H2AC13: variants seen among roughly 807,000 people sequenced by gnomAD.
H2AC13 encodes the protein histone H2A type 1.
In H2AC13, 3 loss-of-function variants were observed where a neutral mutation model predicts 5.9. The observed-to-expected ratio is 0.50, with a 90% CI of 0.23 to 1.30. The LOEUF (loss-of-function observed/expected upper bound fraction) is 1.30. Ranked by LOEUF, H2AC13 falls within the 50% of genes most tolerant of loss-of-function variation. The probability of loss-of-function intolerance (pLI) is 0.18; values close to 1 mark genes in which losing one functional copy is unlikely to be tolerated. For missense variants in H2AC13, 123 were observed against 179.1 expected (o/e 0.69, Z 1.79); for synonymous variants, 96 against 82.4 (o/e 1.17, Z -0.90).
rs1320304097 is a variant in H2AC13, at chr6:27,808,272, G to A, written c.63G>A (p.Arg21=). The change falls in exon 1 of 1, where the codon CGG becomes CGA. Residue 21 remains arginine, a synonymous_variant. Transcript: ENST00000358739. ...CCAAGGCCAAGACCCGCTCTTCTCG[G>A]GCCGGGCTTCAGTTTCCCGTAGGCC... ...ARAKAKTRSS[R]AGLQFPVGRV... 6.4e-7 allele frequency: 1 copy of A among 1,564,282 alleles called. No individual in the cohort carries two copies. The highest frequency in any genetic ancestry group is 8.6e-7 in the Non-Finnish European group (1 of 1,159,006).
Position 27,808,580 on chromosome 6 carries a change from A to C in H2AC13, c.371A>C (p.His124Pro), listed in dbSNP as rs1453831944. Residue 124 changes from histidine (H) to proline (P), a missense_variant, in exon 1 of 1, where the codon CAC becomes CCC. Physicochemically the swap from His to Pro is moderately conservative, Grantham distance 77. Around this residue, in one of 3 missense-constraint regions of H2AC13, gnomAD observed 18 missense variants for 16.1 expected, o/e 1.12. Coordinates refer to ENST00000358739, the MANE Select transcript of H2AC13 (RefSeq NM_003509.3). Reference protein sequence around the residue: ...AVLLPKKTESHHKAKGK With the variant: ...AVLLPKKTESPHKAKGK Reference sequence around the variant, plus strand: ...CTACTGCCCAAGAAGACCGAGAGCCACCACAAGGCGAAGGGCAAGTAGAAG... The same window carrying C: ...CTACTGCCCAAGAAGACCGAGAGCCCCCACAAGGCGAAGGGCAAGTAGAAG... 1.2e-6 allele frequency: 2 copies of C among 1,613,840 alleles called. No individual in the cohort carries two copies. Among genetic ancestry groups the C allele is most frequent in the Non-Finnish European group, 1.7e-6 (2 of 1,179,806 alleles).
chr6:27,808,660 G>A lies in H2AC13; in HGVS notation c.*58G>A, dbSNP rs1581457079. 4.5e-6 allele frequency: 7 copies of A among 1,556,716 alleles called. No homozygotes were observed. Among genetic ancestry groups the A allele is most frequent in the Non-Finnish European group, 5.2e-6 (6 of 1,153,902 alleles). On this transcript the variant is annotated 3_prime_UTR_variant, in exon 1 of 1. Transcript: ENST00000358739. Reference sequence around the variant, plus strand: ...AAAGGAACCAAAGGCTCTTTTCAGAGCCACCTACAATTTTGTGGAAGAACT... The same window carrying A: ...AAAGGAACCAAAGGCTCTTTTCAGAACCACCTACAATTTTGTGGAAGAACT...
In H2AC13 at chr6:27,808,596, C is replaced by T. The variant is rs767900274; in HGVS notation, c.387C>T (p.Gly129=). ...KKTESHHKAK[G]K ...CCGAGAGCCACCACAAGGCGAAGGG[C>T]AAGTAGAAGCCTGGATTAGTTTGCA... Residue 129 remains glycine, a synonymous_variant, in exon 1 of 1, where the codon GGC becomes GGT. Transcript: ENST00000358739. 1.2e-6 allele frequency: 2 copies of T among 1,612,518 alleles called. No homozygotes were observed. The highest frequency in any genetic ancestry group is 1.7e-6 in the Non-Finnish European group (2 of 1,178,970).
Position 27,808,311 on chromosome 6 carries a change from G to C in H2AC13, c.102G>C (p.Leu34=). 6.4e-7 allele frequency: 1 copy of C among 1,568,002 alleles called. No individual in the cohort carries two copies. Among genetic ancestry groups the C allele is most frequent in the Non-Finnish European group, 8.6e-7 (1 of 1,156,580 alleles). ...TTCCCGTAGGCCGAGTGCATCGCCT[G>C]CTCCGCAAAGGCAACTATGCGGAGC... The part of the protein sequence containing the change: ...LQFPVGRVHR[L]LRKGNYAERV... The change falls in exon 1 of 1, where the codon CTG becomes CTC. Residue 34 remains leucine (L), a synonymous_variant. Transcript: ENST00000358739.
In H2AC13 at chr6:27,808,530, C is replaced by G; in HGVS notation, c.321C>G (p.Gly107=). 1 of 1,614,208 alleles carries G rather than the reference C, an allele frequency of 6.2e-7. No individual in the cohort carries two copies. The highest frequency in any genetic ancestry group is 8.5e-7 in the Non-Finnish European group (1 of 1,180,034). ...LLGKVTIAQG[G]VLPNIQAVLL... Reference sequence around the variant, plus strand: ...GCAAAGTCACCATCGCACAGGGTGGCGTCCTGCCCAACATCCAGGCCGTGC... The same window carrying G: ...GCAAAGTCACCATCGCACAGGGTGGGGTCCTGCCCAACATCCAGGCCGTGC... The change falls in exon 1 of 1, where the codon GGC becomes GGG. Residue 107 remains glycine (G), a synonymous_variant. Coordinates refer to ENST00000358739, the MANE Select transcript of H2AC13 (RefSeq NM_003509.3).
In H2AC13 at chr6:27,808,475, GCAACGATGAGGAGCTCAA is replaced by G. The variant is rs2113876798; in HGVS notation, c.270_287del (p.Asn90_Asn95del). The G allele has an allele frequency of 6.2e-7, 1 of 1,613,786 alleles. No homozygotes were observed. The highest frequency in any genetic ancestry group is 8.5e-7 in the Non-Finnish European group (1 of 1,179,838). The stretch of plus-strand genomic sequence containing the variant: ...CCGCGTCACCTCCAGCTGGCCATCC[GCAACGATGAGGAGCTCAA>G]CAAGCTTCTGGGCAAAGTCACCATC... On this transcript the variant is annotated inframe_deletion, in exon 1 of 1. Coordinates refer to ENST00000358739, the MANE Select transcript of H2AC13 (RefSeq NM_003509.3).
In H2AC13 at chr6:27,808,362, C is replaced by A. The variant is rs776814914; in HGVS notation, c.153C>A (p.Tyr51Ter). 4.4e-6 allele frequency: 7 copies of A among 1,600,376 alleles called. No homozygotes were observed. In the South Asian group the frequency reaches 7.8e-5, roughly 18 times the overall value. The stretch of plus-strand genomic sequence containing the variant: ...GGGTCGGTGCTGGAGCGCCGGTGTA[C>A]CTGGCGGCGGTGCTGGAGTACCTGA... ...AERVGAGAPVYLAAVLEYLTA... is the reference protein window; with the variant it reads ...AERVGAGAPV The change falls in exon 1 of 1, where the codon TAC becomes TAA. Residue 51 changes from tyrosine (Y) to a stop codon, truncating the protein, a stop_gained. Transcript: ENST00000358739. LOFTEE classifies it high-confidence loss of function.
rs1760497057 is a variant in H2AC13, at chr6:27,808,598, A to G, written c.389A>G (p.Lys130Arg). The part of the protein sequence containing the change: ...KTESHHKAKG[K>R] ...GAGAGCCACCACAAGGCGAAGGGCA[A>G]GTAGAAGCCTGGATTAGTTTGCAGC... The change falls in exon 1 of 1, where the codon AAG becomes AGG. Residue 130 changes from lysine (K) to arginine (R), a missense_variant. Transcript: ENST00000358739. 1.2e-6 allele frequency: 2 copies of G among 1,611,860 alleles called. No individual in the cohort carries two copies. Among genetic ancestry groups the G allele is most frequent in the Non-Finnish European group, 8.5e-7 (1 of 1,178,560 alleles).
Position 27,808,291 on chromosome 6 carries a change from G to T in H2AC13, c.82G>T (p.Val28Leu). The change falls in exon 1 of 1, where the codon GTA (valine) becomes TTA (leucine). Residue 28 changes from valine to leucine, a missense_variant. Coordinates refer to ENST00000358739, the MANE Select transcript of H2AC13 (RefSeq NM_003509.3). The part of the protein sequence containing the change: ...RSSRAGLQFP[V>L]GRVHRLLRKG... ...TTCTCGGGCCGGGCTTCAGTTTCCC[G>T]TAGGCCGAGTGCATCGCCTGCTCCG... The T allele has an allele frequency of 6.4e-7, 1 of 1,552,832 alleles. No homozygotes were observed. The highest frequency in any genetic ancestry group is 8.7e-7 in the Non-Finnish European group (1 of 1,152,390).
In H2AC13 at chr6:27,808,641, A is replaced by G; in HGVS notation, c.*39A>G. On this transcript the variant is annotated 3_prime_UTR_variant, in exon 1 of 1. Coordinates refer to ENST00000358739, the MANE Select transcript of H2AC13 (RefSeq NM_003509.3). ...TTTGCAGCAACTCAATCCCAAAGGA[A>G]CCAAAGGCTCTTTTCAGAGCCACCT... 1.3e-6 allele frequency: 2 copies of G among 1,580,648 alleles called. No homozygotes were observed. The highest frequency in any genetic ancestry group is 1.7e-6 in the Non-Finnish European group (2 of 1,164,002).
rs1760488572 is a variant in H2AC13 at position 27,808,354 on chromosome 6, C to T, written c.145C>T (p.Pro49Ser). 2 of 1,598,918 alleles carry T rather than the reference C, an allele frequency of 1.3e-6. No individual in the cohort carries two copies. The highest frequency in any genetic ancestry group is 2.2e-5 in the East Asian group (1 of 44,646). ...NYAERVGAGA[P>S]VYLAAVLEYL... ...TGCGGAGCGGGTCGGTGCTGGAGCG[C>T]CGGTGTACCTGGCGGCGGTGCTGGA... is the stretch of plus-strand genomic sequence containing the variant. Residue 49 changes from proline (P) to serine (S), a missense_variant, in exon 1 of 1, where the codon CCG (proline) becomes TCG (serine). Pro to Ser is a moderately conservative substitution (Grantham distance 74). Coordinates refer to ENST00000358739, the MANE Select transcript of H2AC13 (RefSeq NM_003509.3).
Position 27,808,447 on chromosome 6 carries a change from A to G in H2AC13, c.238A>G (p.Ile80Val). The change falls in exon 1 of 1, where the codon ATC (isoleucine) becomes GTC (valine). Residue 80 changes from isoleucine (I) to valine (V), a missense_variant. By Grantham distance (29) the Ile-to-Val change is conservative. Transcript: ENST00000358739. Reference protein sequence around the residue: ...AARDNKKTRIIPRHLQLAIRN... With the variant: ...AARDNKKTRIVPRHLQLAIRN... ...CCGCGACAACAAGAAGACTCGCATC[A>G]TCCCGCGTCACCTCCAGCTGGCCAT... 2 of 1,613,082 alleles carry G rather than the reference A, an allele frequency of 1.2e-6. No individual in the cohort carries two copies. The highest frequency in any genetic ancestry group is 8.5e-7 in the Non-Finnish European group (1 of 1,179,246).
In H2AC13 at chr6:27,808,275, C is replaced by G. The variant is rs1435673693; in HGVS notation, c.66C>G (p.Ala22=). 8.3e-6 allele frequency: 13 copies of G among 1,561,922 alleles called. No homozygotes were observed. Among genetic ancestry groups the G allele is most frequent in the African/African-American group, 1.4e-5 (1 of 73,206 alleles). Residue 22 remains alanine (A), a synonymous_variant, in exon 1 of 1, where the codon GCC becomes GCG. Transcript: ENST00000358739. ...RAKAKTRSSR[A]GLQFPVGRVH... Reference sequence around the variant, plus strand: ...AGGCCAAGACCCGCTCTTCTCGGGCCGGGCTTCAGTTTCCCGTAGGCCGAG... The same window carrying G: ...AGGCCAAGACCCGCTCTTCTCGGGCGGGGCTTCAGTTTCCCGTAGGCCGAG...
Position 27,808,616 on chromosome 6 carries a change from T to A in H2AC13, c.*14T>A, listed in dbSNP as rs151291136. On this transcript the variant is annotated 3_prime_UTR_variant, in exon 1 of 1. Coordinates refer to ENST00000358739, the MANE Select transcript of H2AC13 (RefSeq NM_003509.3). ...AAGGGCAAGTAGAAGCCTGGATTAGTTTGCAGCAACTCAATCCCAAAGGAA... is the reference window on the plus strand; with the variant it reads ...AAGGGCAAGTAGAAGCCTGGATTAGATTGCAGCAACTCAATCCCAAAGGAA... 2 of 1,605,000 alleles carry A rather than the reference T, an allele frequency of 1.2e-6. No homozygotes were observed. Among genetic ancestry groups the A allele is most frequent in the African/African-American group, 2.7e-5 (2 of 74,580 alleles).
At position 27,808,349 on chromosome 6, in the gene H2AC13, G is replaced by C; in HGVS notation, c.140G>C (p.Gly47Ala). The change falls in exon 1 of 1, where the codon GGA becomes GCA. Residue 47 changes from glycine (G) to alanine (A), a missense_variant. By Grantham distance (60) the Gly-to-Ala change is moderately conservative. Around this residue, in one of 3 missense-constraint regions of H2AC13, gnomAD observed 72 missense variants for 134.3 expected, o/e 0.54. Coordinates refer to ENST00000358739, the MANE Select transcript of H2AC13 (RefSeq NM_003509.3). Reference sequence around the variant, plus strand: ...AACTATGCGGAGCGGGTCGGTGCTGGAGCGCCGGTGTACCTGGCGGCGGTG... The same window carrying C: ...AACTATGCGGAGCGGGTCGGTGCTGCAGCGCCGGTGTACCTGGCGGCGGTG... ...KGNYAERVGAGAPVYLAAVLE... is the reference protein window; with the variant it reads ...KGNYAERVGAAAPVYLAAVLE... 1.3e-6 allele frequency: 2 copies of C among 1,597,560 alleles called. No homozygotes were observed. Among genetic ancestry groups the C allele is most frequent in the Non-Finnish European group, 1.7e-6 (2 of 1,169,786 alleles).
Position 27,808,474 on chromosome 6 carries a change from C to T in H2AC13, c.265C>T (p.Arg89Cys). Reference protein sequence around the residue: ...IIPRHLQLAIRNDEELNKLLG... With the variant: ...IIPRHLQLAICNDEELNKLLG... ...CCCGCGTCACCTCCAGCTGGCCATC[C>T]GCAACGATGAGGAGCTCAACAAGCT... The change falls in exon 1 of 1, where the codon CGC (arginine) becomes TGC (cysteine). Residue 89 changes from arginine to cysteine, a missense_variant. Physicochemically the swap from Arg to Cys is radical, Grantham distance 180. This residue lies in a region of H2AC13 where 72 missense variants were observed against 134.3 expected (regional missense o/e 0.54). Transcript: ENST00000358739. 2 of 1,613,846 alleles carry T rather than the reference C, an allele frequency of 1.2e-6. No individual in the cohort carries two copies. The highest frequency in any genetic ancestry group is 1.1e-5 in the South Asian group (1 of 91,058).
At position 27,808,288 on chromosome 6, in the gene H2AC13, C is replaced by T; in HGVS notation, c.79C>T (p.Pro27Ser). 1 of 1,553,596 alleles carries T rather than the reference C, an allele frequency of 6.4e-7. No homozygotes were observed. The change falls in exon 1 of 1, where the codon CCC becomes TCC. Residue 27 changes from proline to serine, a missense_variant. Around this residue, in one of 3 missense-constraint regions of H2AC13, gnomAD observed 72 missense variants for 134.3 expected, o/e 0.54. Transcript: ENST00000358739. ...TRSSRAGLQF[P>S]VGRVHRLLRK... ...CTCTTCTCGGGCCGGGCTTCAGTTT[C>T]CCGTAGGCCGAGTGCATCGCCTGCT...
chr6:27,808,342 G>A lies in H2AC13; in HGVS notation c.133G>A (p.Gly45Ser). The A allele has an allele frequency of 6.3e-7, 1 of 1,592,056 alleles. No homozygotes were observed. ...LRKGNYAERV[G>S]AGAPVYLAAV... Reference sequence around the variant, plus strand: ...CAAAGGCAACTATGCGGAGCGGGTCGGTGCTGGAGCGCCGGTGTACCTGGC... The same window carrying A: ...CAAAGGCAACTATGCGGAGCGGGTCAGTGCTGGAGCGCCGGTGTACCTGGC... The change falls in exon 1 of 1, where the codon GGT becomes AGT. Residue 45 changes from glycine to serine, a missense_variant. Physicochemically the swap from Gly to Ser is moderately conservative, Grantham distance 56. Around this residue, in one of 3 missense-constraint regions of H2AC13, gnomAD observed 72 missense variants for 134.3 expected, o/e 0.54. Transcript: ENST00000358739.
chr6:27,808,579 C>T lies in H2AC13; in HGVS notation c.370C>T (p.His124Tyr). 3 of 1,613,940 alleles carry T rather than the reference C, an allele frequency of 1.9e-6. No homozygotes were observed. In the African/African-American group the frequency reaches 4.0e-5, roughly 22 times the overall value. The change falls in exon 1 of 1, where the codon CAC (histidine) becomes TAC (tyrosine). Residue 124 changes from histidine (H) to tyrosine (Y), a missense_variant. By Grantham distance (83) the His-to-Tyr change is moderately conservative (BLOSUM62 2). Transcript: ENST00000358739. ...GCTACTGCCCAAGAAGACCGAGAGC[C>T]ACCACAAGGCGAAGGGCAAGTAGAA... ...AVLLPKKTES[H>Y]HKAKGK
Sources: allele counts gnomAD v4.1 joint callset, GRCh38; gene constraint gnomAD v4.1.1; regional missense constraint gnomAD v4.1.1; transcripts MANE v1.5; gene names NCBI Gene and HGNC (gene_info 2026-07-23, HGNC 2026-07-21).